The following ZNF565 variants were observed in gnomAD, a reference collection of about 807,000 sequenced individuals.
ZNF565 encodes the protein zinc finger protein 565.
ZNF565 carries 27 observed loss-of-function variants against 39.4 expected under a neutral mutation model. The ratio of observed to expected loss-of-function variants is 0.69; its 90% CI spans 0.51 to 0.95. The LOEUF (loss-of-function observed/expected upper bound fraction) is 0.95, where lower values mean the gene tolerates loss of function less well. Among genes scored for constraint, ZNF565 ranks in the 40% least tolerant of loss-of-function variants. The probability of loss-of-function intolerance (pLI) is 0.00; values close to 1 mark genes in which losing one functional copy is unlikely to be tolerated. For missense variants in ZNF565, 524 were observed against 621.1 expected (o/e 0.84, Z 1.66); for synonymous variants, 185 against 216.6 (o/e 0.85, Z 1.28).
At chr19:36,193,602 G>A (rs947750209) in intron 4 of ZNF565, among the ~76,000 whole-genome samples, 7 of 150,602 alleles carry the variant, frequency 4.6e-5, no homozygotes, top group Admixed American at 4.0e-4. Flanking sequence ...CACCACACCC[G>A]GCTAATTTTT....
At chr19:36,195,249 T>G in intron 2 of ZNF565, 93 bp from the exon 3 acceptor site, 1 of 1,474,690 alleles carries the variant, frequency 6.8e-7, no homozygotes, top group East Asian at 2.3e-5. Flanking sequence ...CAGAGAATAG[T>G]TGACAGTAAT....
chr19:36,243,190 C>T (rs1221334660), intron 1 of ZNF565, among the ~76,000 whole-genome samples: 2 of 152,120 alleles, frequency 1.3e-5, no homozygotes, highest in African/African-American at 4.8e-5. Context: ...CCCTCCACCA[C>T]GCCCGGCTAA....
intron 1 of ZNF565, among the ~76,000 whole-genome samples, chr19:36,207,102 G>C (rs1193134432): frequency 6.6e-6 from 1 of 152,162 alleles, no homozygotes. Context: ...AGCTGGGATG[G>C]AACATGCGAG....
intron 1 of ZNF565, among the ~76,000 whole-genome samples, chr19:36,204,208 C>T (rs1008390954): frequency 1.3e-5 from 2 of 152,030 alleles, no homozygotes; most frequent in African/African-American, 2.4e-5. Flanking sequence ...CCTCGGCCTC[C>T]GAAAGTGCTG....
At chr19:36,243,351 A>G (rs1247383646) in intron 1 of ZNF565, among the ~76,000 whole-genome samples, 1 of 152,146 alleles carries the variant, frequency 6.6e-6, no homozygotes, top group Non-Finnish European at 1.5e-5. Context: ...GATAATTTCA[A>G]ATCCTCAGGG....
intron 1 of ZNF565, among the ~76,000 whole-genome samples, chr19:36,221,344 A>G (rs1006707018): frequency 5.5e-5 from 7 of 128,148 alleles, no homozygotes; most frequent in African/African-American, 2.2e-4. Context: ...GCTGGAGTGC[A>G]GTGGCGCAAT....
At chr19:36,204,126 T>C (rs1599936663) in intron 1 of ZNF565, among the ~76,000 whole-genome samples, 1 of 151,366 alleles carries the variant, frequency 6.6e-6, no homozygotes, top group Non-Finnish European at 1.5e-5. Context: ...ATTTTTGCAT[T>C]TTTGGTACAG....
intron 1 of ZNF565, chr19:36,237,094 A>G: frequency 1.2e-6 from 2 of 1,614,196 alleles, no homozygotes; most frequent in Non-Finnish European, 1.7e-6. Context: ...ATGTTTGTGG[A>G]AAAGCCTTCT....
At chr19:36,222,699 AT>A (rs1976899362) in intron 1 of ZNF565, among the ~76,000 whole-genome samples, 1 of 146,056 alleles carries the variant, frequency 6.8e-6, no homozygotes, top group South Asian at 2.1e-4. Flanking sequence ...CCTTTTCACC[AT>A]TTTTCTATGG....
At chr19:36,198,581 T>C (rs1975847091) in intron 2 of ZNF565, among the ~76,000 whole-genome samples, 1 of 151,880 alleles carries the variant, frequency 6.6e-6, no homozygotes, top group Non-Finnish European at 1.5e-5. Flanking sequence ...AGGGTGACTA[T>C]AGTCAATAAG....
chr19:36,233,516 C>T (rs1298921193), intron 1 of ZNF565, among the ~76,000 whole-genome samples: 3 of 152,036 alleles, frequency 2.0e-5, no homozygotes, highest in Non-Finnish European at 4.4e-5. Context: ...CTCAAGAGGA[C>T]CGGCCTCTTG....
chr19:36,244,151 G>A (rs527365079), intron 1 of ZNF565, among the ~76,000 whole-genome samples: 18 of 152,298 alleles, frequency 1.2e-4, no homozygotes, highest in Admixed American at 5.2e-4. Context: ...GAGTGGCTGG[G>A]GGCAGGGGGT....
chr19:36,211,453 A>T lies in ZNF565; in HGVS notation c.-66+3169T>A, dbSNP rs373590507. Among the ~76,000 whole-genome samples the T allele has an allele frequency of 3.6e-3, 456 of 128,010 alleles. 2 individuals are homozygous for T. Among genetic ancestry groups the T allele is most frequent in the African/African-American group, 0.014 (397 of 28,808 alleles). 84.0% of individuals were successfully genotyped at this position (128,010 alleles called of 152,430 possible). ...GAGCCAAACTCCAACTCTCTCTCAC[A>T]CACACACACACACACACACACACAC... On this transcript the variant is annotated intron_variant, in intron 1 of 4. Transcript: ENST00000304116.
At chr19:36,206,785 T>C (rs1413892317) in intron 1 of ZNF565, among the ~76,000 whole-genome samples, 1 of 151,726 alleles carries the variant, frequency 6.6e-6, no homozygotes, top group African/African-American at 2.4e-5. Context: ...TGAGTTGATA[T>C]TGTGCCACTG....
intron 1 of ZNF565, among the ~76,000 whole-genome samples, chr19:36,224,779 T>C (rs940042612): frequency 6.6e-6 from 1 of 152,238 alleles, no homozygotes; most frequent in African/African-American, 2.4e-5. Flanking sequence ...ACATTAAATA[T>C]TCCTCTTTAT....
At position 36,183,419 on chromosome 19, in the gene ZNF565, TA is replaced by T. The variant is rs1448131345; in HGVS notation, c.546del (p.Ile183PhefsTer84). 5 of 1,608,346 alleles carry T rather than the reference TA, an allele frequency of 3.1e-6. No individual in the cohort carries two copies. The highest frequency in any genetic ancestry group is 4.3e-6 in the Non-Finnish European group (5 of 1,174,978). On this transcript the variant is annotated frameshift_variant, in exon 5 of 5. Transcript: ENST00000304116. LOFTEE classifies it high-confidence loss of function. ...CCAGTGTGAATTTTCTGATGTTGAA[TA>T]AGGTGTGAGCCACGGCTAAATGCTT... is the stretch of plus-strand genomic sequence containing the variant. ...CGKAFSRGSH[L>X]IQHQKIHTGE...
At chr19:36,188,726 AC>A (rs1427025037) in intron 4 of ZNF565, among the ~76,000 whole-genome samples, 6,114 of 148,584 alleles carry the variant, frequency 0.041, 177 homozygotes, top group Non-Finnish European at 0.064. Context: ...AAAAAAAAAA[AC>A]AAAACAACAA....
chr19:36,237,419 A>G, intron 1 of ZNF565: 1 of 1,420,890 alleles, frequency 7.0e-7, no homozygotes, highest in Non-Finnish European at 9.4e-7. Context: ...ACCACGAATG[A>G]GGTTAACTTT....
intron 4 of ZNF565, among the ~76,000 whole-genome samples, chr19:36,186,881 A>ACCTAAG (rs1975320408): frequency 6.6e-6 from 1 of 151,672 alleles, no homozygotes; most frequent in South Asian, 2.1e-4. Flanking sequence ...AGACATGAAG[A>ACCTAAG]CCTAAGGTGT....
Sources: allele counts gnomAD v4.1 joint callset (sites outside exome capture counted in the v4.1 genomes callset), GRCh38; gene constraint gnomAD v4.1.1; transcripts MANE v1.5; gene names NCBI Gene and HGNC (gene_info 2026-07-23, HGNC 2026-07-21).